Variants in CAMK1D observed in about 807,000 individuals in gnomAD.
The protein encoded by CAMK1D is calcium/calmodulin-dependent protein kinase type 1D.
A neutral mutation model predicts 47.7 loss-of-function variants in CAMK1D; 9 were observed. The ratio of observed to expected loss-of-function variants is 0.19; its 90% CI spans 0.11 to 0.33. CAMK1D has a LOEUF of 0.33. CAMK1D is among the 10% of genes least tolerant of loss of function. The probability of loss-of-function intolerance (pLI) is 1.00; values close to 1 mark genes in which losing one functional copy is unlikely to be tolerated. For synonymous variants in CAMK1D, 184 were observed against 184.9 expected (o/e 0.99, Z 0.04); for missense variants, 291 against 488.7 (o/e 0.60, Z 3.81).
intron 2 of CAMK1D, among the ~76,000 whole-genome samples, chr10:12,583,608 T>TTA (rs1554792405): frequency 9.4e-5 from 14 of 149,112 alleles, no homozygotes; most frequent in South Asian, 2.1e-4. Flanking sequence ...TTGTTTTATT[T>TTA]TTTTTTTTTT....
intron 1 of CAMK1D, among the ~76,000 whole-genome samples, chr10:12,512,966 C>T (rs1438041843): frequency 6.6e-6 from 1 of 152,144 alleles, no homozygotes; most frequent in African/African-American, 2.4e-5. Context: ...GCCGAATTAA[C>T]AGCACACACC....
intron 3 of CAMK1D, among the ~76,000 whole-genome samples, chr10:12,700,396 C>T (rs968945603): frequency 5.3e-5 from 8 of 152,140 alleles, no homozygotes; most frequent in Non-Finnish European, 1.2e-4. Flanking sequence ...ACCATCAGAT[C>T]TTGTGACAAC....
chr10:12,667,474 G>C (rs1465460395), intron 3 of CAMK1D, among the ~76,000 whole-genome samples: 1 of 152,140 alleles, frequency 6.6e-6, no homozygotes, highest in African/African-American at 2.4e-5. Context: ...TAAAAATTTA[G>C]CTGAAATTAG....
At chr10:12,353,446 T>C (rs1837409496) in intron 1 of CAMK1D, among the ~76,000 whole-genome samples, 1 of 152,198 alleles carries the variant, frequency 6.6e-6, no homozygotes, top group Admixed American at 6.5e-5. Context: ...TCCAGGTATC[T>C]CACCTCATGG....
At chr10:12,826,478 T>C (rs901302320) in intron 10 of CAMK1D, among the ~76,000 whole-genome samples, 1 of 152,188 alleles carries the variant, frequency 6.6e-6, no homozygotes, top group Non-Finnish European at 1.5e-5. Flanking sequence ...CGTCTTTGCA[T>C]GGGCTATTCC....
chr10:12,646,889 T>C (rs1335320288), intron 2 of CAMK1D, among the ~76,000 whole-genome samples: 1 of 152,196 alleles, frequency 6.6e-6, no homozygotes, highest in Admixed American at 6.5e-5. Flanking sequence ...TCACCCAGGC[T>C]GGAGTGCAGT....
intron 3 of CAMK1D, 122 bp downstream of exon 3, chr10:12,666,932 C>G: frequency 2.6e-6 from 2 of 764,390 alleles, no homozygotes; most frequent in Non-Finnish European, 4.5e-6. Context: ...GCAGGGAGGC[C>G]TGTGGGATAC....
At chr10:12,628,119 T>G (rs1839278215) in intron 2 of CAMK1D, among the ~76,000 whole-genome samples, 1 of 151,090 alleles carries the variant, frequency 6.6e-6, no homozygotes, top group Non-Finnish European at 1.5e-5. Flanking sequence ...CAAAACTGAG[T>G]TTTTCCCAGT....
At chr10:12,716,870 ACT>A (rs1451934918) in intron 3 of CAMK1D, among the ~76,000 whole-genome samples, 3 of 152,052 alleles carry the variant, frequency 2.0e-5, no homozygotes, top group Admixed American at 6.6e-5. Context: ...GGCTGTCGGG[ACT>A]CTCTTACTAG....
chr10:12,819,612 A>C (rs915676438), intron 8 of CAMK1D, among the ~76,000 whole-genome samples: 11 of 152,260 alleles, frequency 7.2e-5, no homozygotes, highest in African/African-American at 2.4e-4. Context: ...GAAGCGTTGC[A>C]CATCTGTGAT....
At chr10:12,576,864 C>T (rs1013516939) in intron 2 of CAMK1D, among the ~76,000 whole-genome samples, 2 of 152,128 alleles carry the variant, frequency 1.3e-5, no homozygotes, top group African/African-American at 4.8e-5. Flanking sequence ...TGGTCCTGTG[C>T]ATGTCAGTCA....
At chr10:12,551,806 C>T (rs957765566) in intron 1 of CAMK1D, among the ~76,000 whole-genome samples, 8 of 152,128 alleles carry the variant, frequency 5.3e-5, no homozygotes, top group African/African-American at 1.4e-4. Flanking sequence ...CCTCCTCTCC[C>T]GGGTCCATGG....
At chr10:12,695,704 T>C in intron 3 of CAMK1D, among the ~76,000 whole-genome samples, 1 of 152,012 alleles carries the variant, frequency 6.6e-6, no homozygotes, top group Non-Finnish European at 1.5e-5. Flanking sequence ...TTACCCTGGA[T>C]AGAGGTGTTG....
intron 1 of CAMK1D, among the ~76,000 whole-genome samples, chr10:12,387,690 A>G (rs987405999): frequency 1.3e-4 from 20 of 150,792 alleles, no homozygotes; most frequent in African/African-American, 4.2e-4. Context: ...GGTTCTCGCT[A>G]TGTTGCTCAG....
chr10:12,487,960 C>A (rs917176296), intron 1 of CAMK1D, among the ~76,000 whole-genome samples: 14 of 152,172 alleles, frequency 9.2e-5, no homozygotes, highest in African/African-American at 3.4e-4. Context: ...AGGATCTCAA[C>A]AGAGCAACTT....
At chr10:12,665,467 AT>A (rs1183481041) in intron 2 of CAMK1D, among the ~76,000 whole-genome samples, 3 of 152,244 alleles carry the variant, frequency 2.0e-5, no homozygotes, top group Non-Finnish European at 4.4e-5. Context: ...TTCAGCAAGC[AT>A]TTATTCAGCA....
In CAMK1D at chr10:12,621,279, A is replaced by G. The variant is rs141865583; in HGVS notation, c.225-45457A>G. On this transcript the variant is annotated intron_variant, in intron 2 of 10. Coordinates refer to ENST00000619168, the MANE Select transcript of CAMK1D (RefSeq NM_153498.4). ...ATATTCTAGTTCCTTTGCCTTTCAT[A>G]TACATTTTAGAATAATCTCACTCAT... Among the ~76,000 whole-genome samples the G allele has an allele frequency of 3.3e-3, 506 of 152,310 alleles. 1 individual carries two copies. The highest frequency in any genetic ancestry group is 0.012 in the African/African-American group (481 of 41,560).
At chr10:12,369,419 A>T (rs1188515107) in intron 1 of CAMK1D, among the ~76,000 whole-genome samples, 1 of 152,202 alleles carries the variant, frequency 6.6e-6, no homozygotes, top group African/African-American at 2.4e-5. Flanking sequence ...GGAGACAGAA[A>T]AACATGTAAT....
chr10:12,411,816 T>TCTCAAA (rs202197971), intron 1 of CAMK1D, among the ~76,000 whole-genome samples: 95,373 of 150,792 alleles, frequency 0.63, 30,146 homozygotes, highest in East Asian at 0.71. Flanking sequence ...GGCAGGCTGG[T>TCTCAAA]CTCCTGACCT....
Sources: allele counts gnomAD v4.1 joint callset (sites outside exome capture counted in the v4.1 genomes callset), GRCh38; gene constraint gnomAD v4.1.1; transcripts MANE v1.5; gene names NCBI Gene and HGNC (gene_info 2026-07-23, HGNC 2026-07-21).